EML6: variants seen among roughly 807,000 people sequenced by gnomAD.
EML6 encodes the protein echinoderm microtubule-associated protein-like 6.
A neutral mutation model predicts 240.1 loss-of-function variants in EML6; 154 were observed. The observed-to-expected ratio is 0.64, with a 90% CI of 0.56 to 0.73. The LOEUF is 0.73. Ranked by LOEUF, EML6 falls within the 30% of genes least tolerant of loss-of-function variation. The pLI, the probability that EML6 is intolerant of heterozygous loss-of-function variation, is 0.00. For missense variants in EML6, 2,964 were observed against 2,474.6 expected, an observed-to-expected ratio of 1.20 and a Z score of -4.20; for synonymous variants, 1,148 against 899.0, an observed-to-expected ratio of 1.28 and a Z score of -4.95.
chr2:54,835,711 G>A (rs1383085559), intron 7 of EML6, among the ~76,000 whole-genome samples: 2 of 152,112 alleles, frequency 1.3e-5, no homozygotes, highest in African/African-American at 2.4e-5. Flanking sequence ...AACCAGGAGT[G>A]ATTTTTTGGA....
chr2:54,800,240 G>T (rs1670056981), intron 2 of EML6, among the ~76,000 whole-genome samples: 1 of 152,104 alleles, frequency 6.6e-6, no homozygotes, highest in Non-Finnish European at 1.5e-5. Flanking sequence ...GCAACCATTT[G>T]ATTTCTTATT....
intron 2 of EML6, among the ~76,000 whole-genome samples, chr2:54,741,447 T>TACACACGC (rs1683625103): frequency 6.6e-6 from 1 of 152,074 alleles, no homozygotes; most frequent in African/African-American, 2.4e-5. Context: ...TATAAATAAG[T>TACACACGC]ACACACGCAC....
At chr2:54,790,753 TTA>T (rs1275351341) in intron 2 of EML6, among the ~76,000 whole-genome samples, 2 of 139,102 alleles carry the variant, frequency 1.4e-5, no homozygotes, top group Admixed American at 7.7e-5. Flanking sequence ...TGAGACGGAG[TTA>T]CGCTCTGTCG....
Position 54,938,305 on chromosome 2 carries a change from CAAAA to C in EML6, c.4004+9559_4004+9562del, listed in dbSNP as rs974113337. On this transcript the variant is annotated intron_variant, in intron 28 of 41. Transcript: ENST00000356458. ...GGGCAACAAGAGCAAAACTCCATCT[CAAAA>C]AAAAGTTAGATGAAGTTTCTGTAAT... Among the ~76,000 whole-genome samples, 9 of 151,756 alleles carry C rather than the reference CAAAA, an allele frequency of 5.9e-5. No individual in the cohort carries two copies. In the East Asian group the frequency reaches 1.5e-3, roughly 26 times the overall value.
intron 2 of EML6, among the ~76,000 whole-genome samples, chr2:54,801,709 C>G (rs546962713): frequency 1.3e-5 from 2 of 152,068 alleles, no homozygotes; most frequent in Admixed American, 1.3e-4. Flanking sequence ...TGATTTTCTT[C>G]TGAACAAACT....
intron 2 of EML6, among the ~76,000 whole-genome samples, chr2:54,740,848 T>G (rs560503828): frequency 8.4e-4 from 128 of 152,312 alleles, no homozygotes; most frequent in African/African-American, 2.9e-3. Flanking sequence ...TGTGAGGGGT[T>G]GGCCTACTGA....
intron 2 of EML6, among the ~76,000 whole-genome samples, chr2:54,789,498 A>G (rs1445088182): frequency 1.7e-5 from 2 of 117,178 alleles, no homozygotes; most frequent in Non-Finnish European, 3.3e-5. Context: ...TGGGCCACAG[A>G]GCGAGACTTC....
intron 28 of EML6, among the ~76,000 whole-genome samples, chr2:54,929,115 G>T (rs1558696798): frequency 6.6e-6 from 1 of 152,192 alleles, no homozygotes; most frequent in Non-Finnish European, 1.5e-5. Flanking sequence ...GGGAGGACAG[G>T]ATTCTGAGGT....
chr2:54,924,275 T>TA (rs2104366581), intron 26 of EML6, among the ~76,000 whole-genome samples: 1 of 152,326 alleles, frequency 6.6e-6, no homozygotes, highest in East Asian at 1.9e-4. Flanking sequence ...GTCAGATGCA[T>TA]AAAATTCAGC....
intron 7 of EML6, 83 bp from the exon 8 acceptor site, chr2:54,843,964 T>G (rs868703637): frequency 2.6e-5 from 17 of 658,626 alleles, no homozygotes; most frequent in African/African-American, 5.9e-5. Flanking sequence ...CTTTAGGGTT[T>G]TGTGTGTGTG....
intron 28 of EML6, among the ~76,000 whole-genome samples, chr2:54,936,029 G>A (rs895375834): frequency 1.2e-4 from 19 of 152,192 alleles, no homozygotes; most frequent in South Asian, 2.1e-4. Context: ...GACCCTGTCC[G>A]TGAATGAATG....
At chr2:54,763,912 G>A (rs182446563) in intron 2 of EML6, among the ~76,000 whole-genome samples, 1 of 152,206 alleles carries the variant, frequency 6.6e-6, no homozygotes, top group African/African-American at 2.4e-5. Flanking sequence ...AAGATCTCCA[G>A]CCCTGAAGGC....
chr2:54,758,283 T>G (rs1410353088), intron 2 of EML6, among the ~76,000 whole-genome samples: 1 of 152,168 alleles, frequency 6.6e-6, no homozygotes, highest in Non-Finnish European at 1.5e-5. Context: ...GAGTCTTCCT[T>G]ACAGTGACTT....
intron 41 of EML6, 45 bp downstream of exon 41, chr2:54,968,813 G>GTTT: frequency 9.3e-7 from 1 of 1,076,734 alleles, no homozygotes; most frequent in Non-Finnish European, 1.4e-6. Flanking sequence ...GGCCTGGCCA[G>GTTT]CTCTCCCTCC....
Position 54,892,451 on chromosome 2 carries a change from T to C in EML6, c.2540-3T>C. ...AGTAATAACTGTTCTTGGTCCACTC[T>C]AGGTGGGGGCTTCACTTCTAAAAGA... On this transcript the variant is annotated splice_polypyrimidine_tract_variant and splice_region_variant and intron_variant, in intron 18 of 41. Transcript: ENST00000356458. The C allele has an allele frequency of 6.5e-7, 1 of 1,549,080 alleles. No homozygotes were observed. Among genetic ancestry groups the C allele is most frequent in the Non-Finnish European group, 8.7e-7 (1 of 1,144,690 alleles).
intron 2 of EML6, among the ~76,000 whole-genome samples, chr2:54,733,128 C>A (rs1683244641): frequency 6.6e-6 from 1 of 152,186 alleles, no homozygotes; most frequent in Admixed American, 6.5e-5. Flanking sequence ...CTCCCTTTCC[C>A]ATTAACACAA....
chr2:54,964,714 C>T lies in EML6; in HGVS notation c.5474C>T (p.Ala1825Val), dbSNP rs374884992. The T allele has an allele frequency of 2.0e-5, 31 of 1,551,750 alleles. 1 individual carries two copies. The highest frequency in any genetic ancestry group is 1.7e-4 in the Middle Eastern group (1 of 6,018). Reference protein sequence around the residue: ...PSFVIQMDFSADGKYIQVSTG... With the variant: ...PSFVIQMDFSVDGKYIQVSTG... ...TTTGTCATTCAGATGGATTTTTCTG[C>T]GGATGGCAAATACATTCAGGTATGC... is the stretch of plus-strand genomic sequence containing the variant. Residue 1825 changes from alanine (A) to valine (V), a missense_variant, in exon 38 of 42, where the codon GCG (alanine) becomes GTG (valine). Coordinates refer to ENST00000356458, the MANE Select transcript of EML6 (RefSeq NM_001039753.4).
chr2:54,837,087 T>C (rs1198551069), intron 7 of EML6, among the ~76,000 whole-genome samples: 2 of 152,040 alleles, frequency 1.3e-5, no homozygotes, highest in Non-Finnish European at 2.9e-5. Context: ...TTACTCTTCC[T>C]CTCTCTCTTG....
chr2:54,963,615 C>T (rs1676622826), intron 36 of EML6, among the ~76,000 whole-genome samples: 1 of 152,216 alleles, frequency 6.6e-6, no homozygotes, highest in Admixed American at 6.5e-5. Flanking sequence ...CAGATCGGGC[C>T]TGTGGCCTGT....
Sources: gnomAD v4.1 joint callset for allele counts (sites outside exome capture counted in the v4.1 genomes callset) on GRCh38, gnomAD v4.1.1 for gene constraint, MANE v1.5 for transcripts, NCBI Gene and HGNC (gene_info 2026-07-23, HGNC 2026-07-21) for gene names.